SCLT1: variants seen among roughly 807,000 people sequenced by gnomAD.
SCLT1 encodes sodium channel-associated protein 1.
Under a neutral mutation model 112.8 loss-of-function variants are expected in SCLT1, and 78 were observed. The ratio of observed to expected loss-of-function variants is 0.69; its 90% confidence interval spans 0.58 to 0.83. SCLT1 has a LOEUF of 0.83. Among genes scored for constraint, SCLT1 ranks in the 40% least tolerant of loss-of-function variants. SCLT1 has a pLI of 0.00. For synonymous variants in SCLT1, 257 were observed against 254.7 expected, an observed-to-expected ratio of 1.01 and a Z score of -0.09; for missense variants, 747 against 770.4, an observed-to-expected ratio of 0.97 and a Z score of 0.36.
intron 9 of SCLT1, among the ~76,000 whole-genome samples, chr4:128,983,186 C>A (rs1741815767): frequency 6.6e-6 from 1 of 152,190 alleles, no homozygotes; most frequent in African/African-American, 2.4e-5. Flanking sequence ...CTGCGCCCGG[C>A]CACTACTTAG....
At chr4:128,936,610 G>T (rs375021223) in intron 18 of SCLT1, 45 bp downstream of exon 18, 9 of 1,241,764 alleles carry the variant, frequency 7.2e-6, no homozygotes, top group Admixed American at 4.7e-5. Flanking sequence ...ATAGGTTAAA[G>T]AATTTCTTCT....
At chr4:129,038,689 T>C (rs1368027382) in intron 5 of SCLT1, among the ~76,000 whole-genome samples, 2 of 152,170 alleles carry the variant, frequency 1.3e-5, no homozygotes, top group Non-Finnish European at 2.9e-5. Context: ...ATTTTATCAA[T>C]ATGTTTTCTA....
chr4:128,874,775 A>ATATC (rs1732451392), intron 4 of SCLT1: 1 of 152,642 alleles, frequency 6.6e-6, no homozygotes, highest in Non-Finnish European at 1.5e-5. Flanking sequence ...TGACCAAGAA[A>ATATC]TATCTTTGAT....
intron 14 of SCLT1, among the ~76,000 whole-genome samples, chr4:128,950,329 A>G (rs967536494): frequency 2.0e-5 from 3 of 152,142 alleles, no homozygotes; most frequent in Non-Finnish European, 2.9e-5. Context: ...CCAATCCACC[A>G]TTTCACTGAC....
intron 9 of SCLT1, among the ~76,000 whole-genome samples, chr4:128,986,591 G>T (rs1742115466): frequency 6.6e-6 from 1 of 152,176 alleles, no homozygotes; most frequent in African/African-American, 2.4e-5. Flanking sequence ...AAAGAGTATA[G>T]AGGACTGTGT....
At chr4:129,059,091 T>C (rs942738088) in intron 2 of SCLT1, among the ~76,000 whole-genome samples, 8 of 152,184 alleles carry the variant, frequency 5.3e-5, no homozygotes, top group Admixed American at 4.6e-4. Flanking sequence ...CATATAAGAA[T>C]AGCCACCTTT....
intron 18 of SCLT1, among the ~76,000 whole-genome samples, chr4:128,891,728 T>C (rs1733342766): frequency 6.8e-6 from 1 of 146,628 alleles, no homozygotes; most frequent in African/African-American, 2.5e-5. Context: ...CACTGCAACC[T>C]CTGCCTCCCA....
intron 18 of SCLT1, among the ~76,000 whole-genome samples, chr4:128,902,156 C>T (rs545161474): frequency 1.5e-4 from 23 of 152,220 alleles, no homozygotes; most frequent in East Asian, 3.9e-4. Context: ...CCTCCCACCT[C>T]GGCTTCCCAA....
chr4:128,887,467 T>G (rs1035522813), intron 20 of SCLT1, among the ~76,000 whole-genome samples: 1 of 152,164 alleles, frequency 6.6e-6, no homozygotes, highest in Admixed American at 6.6e-5. Flanking sequence ...GGCTTTACTA[T>G]GTATAAAATG....
At chr4:129,037,037 T>C (rs566505293) in intron 5 of SCLT1, 2 of 152,006 alleles carry the variant, frequency 1.3e-5, no homozygotes, top group African/African-American at 4.8e-5. Context: ...GCTTTAAACA[T>C]TTTTTAGTAG....
chr4:129,044,404 C>T (rs1207789826), intron 2 of SCLT1, among the ~76,000 whole-genome samples: 1 of 151,502 alleles, frequency 6.6e-6, no homozygotes, highest in Admixed American at 6.6e-5. Flanking sequence ...GTATAATCTA[C>T]CAATTATTAG....
intron 18 of SCLT1, among the ~76,000 whole-genome samples, chr4:128,916,278 A>G (rs1323365521): frequency 6.6e-6 from 1 of 152,238 alleles, no homozygotes; most frequent in African/African-American, 2.4e-5. Context: ...TATATAAAAT[A>G]TTAATGAGCT....
chr4:129,064,208 A>T (rs1750264554), intron 2 of SCLT1, among the ~76,000 whole-genome samples: 1 of 152,198 alleles, frequency 6.6e-6, no homozygotes, highest in Admixed American at 6.5e-5. Context: ...AGAGTTCTAT[A>T]TAAATTTAAG....
chr4:128,890,746 T>C (rs1450164209), intron 19 of SCLT1, among the ~76,000 whole-genome samples: 1 of 152,158 alleles, frequency 6.6e-6, no homozygotes, highest in Non-Finnish European at 1.5e-5. Flanking sequence ...TGAAAAAAGA[T>C]GAATGGGTTA....
chr4:129,083,063 C>T (rs1292162793), intron 1 of SCLT1, among the ~76,000 whole-genome samples: 10 of 151,618 alleles, frequency 6.6e-5, no homozygotes, highest in South Asian at 2.1e-4. Flanking sequence ...TAGTGGCATG[C>T]GCCTGTAATC....
Position 129,043,382 on chromosome 4 carries a change from T to C in SCLT1, c.234+13A>G, listed in dbSNP as rs1579820865. ...TAAAATATTACAAAAGCCTCATAACTATGATTTCATACCTGGTAATATTTC... is the reference window on the plus strand; with the variant it reads ...TAAAATATTACAAAAGCCTCATAACCATGATTTCATACCTGGTAATATTTC... On this transcript the variant is annotated intron_variant, in intron 4 of 20. Coordinates refer to ENST00000281142, the MANE Select transcript of SCLT1 (RefSeq NM_144643.4). The C allele has an allele frequency of 7.6e-7, 1 of 1,318,272 alleles. No individual in the cohort carries two copies. The highest frequency in any genetic ancestry group is 1.1e-6 in the Non-Finnish European group (1 of 925,940). 81.7% of individuals were successfully genotyped at this position (1,318,272 alleles called of 1,614,324 possible). A position where few individuals can be genotyped will look rare whatever the true frequency, so the allele number is the denominator to read the frequency against.
chr4:128,991,627 G>C (rs896669837), intron 9 of SCLT1, among the ~76,000 whole-genome samples: 2 of 151,590 alleles, frequency 1.3e-5, no homozygotes, highest in Non-Finnish European at 3.0e-5. Context: ...AACAACTCGA[G>C]AGGAAGAAAA....
chr4:128,965,061 T>C (rs1740057985), intron 11 of SCLT1, among the ~76,000 whole-genome samples, 166 bp downstream of exon 11: 1 of 152,244 alleles, frequency 6.6e-6, no homozygotes, highest in South Asian at 2.1e-4. Context: ...CTGTTGAATA[T>C]AGTTTTTAAT....
intron 18 of SCLT1, among the ~76,000 whole-genome samples, chr4:128,900,847 T>A (rs559157039): frequency 1.3e-4 from 20 of 151,858 alleles, no homozygotes; most frequent in African/African-American, 4.8e-4. Flanking sequence ...AACAACCCCA[T>A]CAAAAAGTGG....
Sources: gnomAD v4.1 joint callset for allele counts (sites outside exome capture counted in the v4.1 genomes callset) on GRCh38, gnomAD v4.1.1 for gene constraint, MANE v1.5 for transcripts, NCBI Gene and HGNC (gene_info 2026-07-23, HGNC 2026-07-21) for gene names.